NUP160: variants seen among roughly 807,000 people sequenced by gnomAD.
The protein encoded by NUP160 is nucleoporin 160.
NUP160 carries 94 observed loss-of-function variants against 196.9 expected under a neutral mutation model. That is an observed-to-expected ratio of 0.48 (90% CI 0.40 to 0.57). The LOEUF (loss-of-function observed/expected upper bound fraction) is 0.57. Among genes scored for constraint, NUP160 ranks in the 20% least tolerant of loss-of-function variants. The pLI, the probability that NUP160 is intolerant of heterozygous loss-of-function variation, is 0.00. For synonymous variants in NUP160, 605 were observed against 619.7 expected (o/e 0.98, Z 0.35); for missense variants, 1,638 against 1,748.3 (o/e 0.94, Z 1.13).
chr11:47,784,931 G>A (rs2097663637), exon 33 of NUP160: 1 of 1,594,382 alleles, frequency 6.3e-7, no homozygotes. Flanking sequence ...CCTTGTAACT[G>A]TTTATAAGCC....
At chr11:47,801,689 A>T in intron 23 of NUP160, 122 bp downstream of exon 23, 1 of 938,092 alleles carries the variant, frequency 1.1e-6, no homozygotes, top group Non-Finnish European at 1.6e-6. Flanking sequence ...ATTTTTTTTA[A>T]ATTTGGAAGT....
At chr11:47,847,090 C>T (rs1852414488) in intron 2 of NUP160, among the ~76,000 whole-genome samples, 2 of 152,302 alleles carry the variant, frequency 1.3e-5, no homozygotes, top group South Asian at 4.1e-4. Context: ...TCTCCAGCCT[C>T]AGTATCTCAC....
At chr11:47,804,978 A>C (rs1037221987) in intron 20 of NUP160, among the ~76,000 whole-genome samples, 19 of 152,140 alleles carry the variant, frequency 1.2e-4, no homozygotes, top group African/African-American at 4.6e-4. Context: ...CTCTAAAAAT[A>C]AATAAATTTT....
chr11:47,782,302 AAATATAT>A (rs1270500269), intron 34 of NUP160, among the ~76,000 whole-genome samples: 3 of 42,598 alleles, frequency 7.0e-5, no homozygotes, highest in East Asian at 7.5e-4. Flanking sequence ...AAAAAAAAAA[AAATATAT>A]ATATATATAT....
intron 3 of NUP160, 120 bp from the exon 4 acceptor site, chr11:47,840,185 C>A (rs1368381790): frequency 2.3e-6 from 2 of 868,948 alleles, no homozygotes; most frequent in African/African-American, 1.7e-5. Context: ...GAAAGCTATT[C>A]TTCTTAATGA....
rs1324683850 is a variant in NUP160, at chr11:47,788,418, C to T, written c.3622+83G>A. The stretch of plus-strand genomic sequence containing the variant: ...GTAATAACCCAGGCTTTATACCCAT[C>T]TACCATGCTACATACACTGCCTGGA... On this transcript the variant is annotated intron_variant, in intron 30 of 35. Transcript: ENST00000378460. 1.2e-5 allele frequency: 19 copies of T among 1,531,482 alleles called. No individual in the cohort carries two copies. The Admixed American group carries it at 2.9e-4, about 24-fold the overall frequency. 94.9% of individuals were successfully genotyped at this position (1,531,482 alleles called of 1,614,324 possible).
intron 31 of NUP160, among the ~76,000 whole-genome samples, chr11:47,787,260 G>T (rs1339673507): frequency 6.6e-6 from 1 of 151,836 alleles, no homozygotes; most frequent in East Asian, 1.9e-4. Flanking sequence ...GCTAACTTTT[G>T]TATTTTTAGT....
At chr11:47,781,196 C>T (rs2097660603) in intron 34 of NUP160, among the ~76,000 whole-genome samples, 1 of 151,928 alleles carries the variant, frequency 6.6e-6, no homozygotes, top group South Asian at 2.1e-4. Context: ...GCACTCAAGC[C>T]TGGGCGACAG....
At position 47,788,282 on chromosome 11, in the gene NUP160, C is replaced by G. The variant is rs149518749; in HGVS notation, c.3646G>C (p.Val1216Leu). ...AGGCCCGCCTGAACCAAGAGAGTGA[C>G]CATTTCCTCTGCTGATGAACTTCCT... The change falls in exon 31 of 36, where the codon GTC becomes CTC. Residue 1216 changes from valine (V) to leucine (L), a missense_variant. Val to Leu is a conservative substitution (Grantham distance 32). Coordinates refer to ENST00000378460, the Ensembl canonical transcript of NUP160. 6 of 1,614,066 alleles carry G rather than the reference C, an allele frequency of 3.7e-6. No individual in the cohort carries two copies. In the Admixed American group the frequency reaches 1.0e-4, roughly 27 times the overall value.
At chr11:47,845,095 A>G (rs1315191590) in intron 2 of NUP160, among the ~76,000 whole-genome samples, 1 of 152,172 alleles carries the variant, frequency 6.6e-6, no homozygotes, top group Admixed American at 6.5e-5. Flanking sequence ...AAAATGGGCA[A>G]CCAGCAGCCC....
In NUP160 at chr11:47,842,423, C is replaced by T. The variant is rs192147836; in HGVS notation, c.315-1835G>A. ...ATAATTCCTTCGCTTTCCTGCCTTACGGTTAAAGTTGGATCCTGGATCTCC... is the reference window on the plus strand; with the variant it reads ...ATAATTCCTTCGCTTTCCTGCCTTATGGTTAAAGTTGGATCCTGGATCTCC... On this transcript the variant is annotated intron_variant, in intron 2 of 35. Coordinates refer to ENST00000378460, the Ensembl canonical transcript of NUP160. Among the ~76,000 whole-genome samples, 9 of 152,282 alleles carry T rather than the reference C, an allele frequency of 5.9e-5. No individual in the cohort carries two copies. In the East Asian group the frequency reaches 1.2e-3, roughly 20 times the overall value.
intron 21 of NUP160, 75 bp from the exon 22 acceptor site, chr11:47,803,611 G>T (rs530514373): frequency 1.2e-5 from 10 of 816,528 alleles, no homozygotes; most frequent in African/African-American, 1.0e-4. Flanking sequence ...CAAGTTATTC[G>T]TCACAGAGGA....
intron 29 of NUP160, 113 bp downstream of exon 29, chr11:47,791,817 A>G: frequency 1.4e-6 from 1 of 728,248 alleles, no homozygotes; most frequent in South Asian, 1.9e-5. Context: ...TATAACATTT[A>G]TATATTACTA....
Position 47,842,109 on chromosome 11 carries a change from T to C in NUP160, c.315-1521A>G, listed in dbSNP as rs372321834. Among the ~76,000 whole-genome samples, 37 of 152,206 alleles carry C rather than the reference T, an allele frequency of 2.4e-4. No individual in the cohort carries two copies. In the South Asian group the frequency reaches 7.7e-3, roughly 32 times the overall value. The stretch of plus-strand genomic sequence containing the variant: ...CCACATATGTGACCTTGCCTTCCTT[T>C]TTAAACAGTCTCTTCTCATGAATCC... On this transcript the variant is annotated intron_variant, in intron 2 of 35. Transcript: ENST00000378460.
chr11:47,833,759 C>T (rs1297633571), intron 7 of NUP160, among the ~76,000 whole-genome samples: 3 of 152,114 alleles, frequency 2.0e-5, no homozygotes, highest in Non-Finnish European at 2.9e-5. Context: ...GTCAGGAGTT[C>T]GAGACCAGCC....
chr11:47,786,109 T>C (rs2097664362), intron 32 of NUP160, among the ~76,000 whole-genome samples: 2 of 152,090 alleles, frequency 1.3e-5, no homozygotes, highest in Admixed American at 6.6e-5. Flanking sequence ...GATGAAACCA[T>C]GCAGTGACTG....
At chr11:47,843,666 G>T (rs1852348155) in intron 2 of NUP160, among the ~76,000 whole-genome samples, 1 of 152,132 alleles carries the variant, frequency 6.6e-6, no homozygotes, top group Non-Finnish European at 1.5e-5. Flanking sequence ...CTATGCAGAG[G>T]GTAGAAGCCA....
At position 47,795,163 on chromosome 11, in the gene NUP160, GAA is replaced by G. The variant is rs2097670194; in HGVS notation, c.3290-2219_3290-2218del. Among the ~76,000 whole-genome samples, 5 of 151,922 alleles carry G rather than the reference GAA, an allele frequency of 3.3e-5. No homozygotes were observed. The South Asian group carries it at 1.0e-3, about 32-fold the overall frequency. On this transcript the variant is annotated intron_variant, in intron 27 of 35. Transcript: ENST00000378460. ...AGTTGCACATATTCAATAAGATTCT[GAA>G]AAGTCCATTGTTCTGGAACAGCATG...
At chr11:47,825,156 G>C (rs1343952116) in intron 7 of NUP160, among the ~76,000 whole-genome samples, 1 of 152,042 alleles carries the variant, frequency 6.6e-6, no homozygotes, top group African/African-American at 2.4e-5. Flanking sequence ...TTTTTGTAGG[G>C]ACGGAGTCTC....
Sources: gnomAD v4.1 joint callset for allele counts (sites outside exome capture counted in the v4.1 genomes callset) on GRCh38, gnomAD v4.1.1 for gene constraint, MANE v1.5 for transcripts, NCBI Gene and HGNC (gene_info 2026-07-23, HGNC 2026-07-21) for gene names.